SLC41A2: variants seen among roughly 807,000 people sequenced by gnomAD.
The protein encoded by SLC41A2 is solute carrier family 41 member 2.
Under a neutral mutation model 58.3 loss-of-function variants are expected in SLC41A2, and 32 were observed. The observed-to-expected ratio is 0.55, with a 90% confidence interval of 0.41 to 0.74. The LOEUF is 0.74. Among genes scored for constraint, SLC41A2 ranks in the 30% least tolerant of loss-of-function variants. The pLI, the probability that SLC41A2 is intolerant of heterozygous loss-of-function variation, is 0.00. For synonymous variants in SLC41A2, 190 were observed against 235.0 expected, an observed-to-expected ratio of 0.81 and a Z score of 1.75; for missense variants, 514 against 680.6, an observed-to-expected ratio of 0.76 and a Z score of 2.72.
chr12:104,936,972 G>A (rs997787892), intron 1 of SLC41A2, among the ~76,000 whole-genome samples: 3 of 152,180 alleles, frequency 2.0e-5, no homozygotes, highest in African/African-American at 7.2e-5. Flanking sequence ...CAGGCTGGGT[G>A]CAATGGCTTA....
chr12:104,826,838 G>C (rs1214390180), intron 10 of SLC41A2, among the ~76,000 whole-genome samples: 3 of 152,212 alleles, frequency 2.0e-5, no homozygotes, highest in African/African-American at 7.2e-5. Flanking sequence ...GAACCTGATG[G>C]ACGCTGAGAA....
At chr12:104,882,928 C>T (rs973630017) in intron 6 of SLC41A2, among the ~76,000 whole-genome samples, 1 of 152,122 alleles carries the variant, frequency 6.6e-6, no homozygotes, top group African/African-American at 2.4e-5. Context: ...CAACTTGGTT[C>T]CATTCTCCTC....
At chr12:104,939,591 C>T (rs1348354788) in intron 1 of SLC41A2, among the ~76,000 whole-genome samples, 1 of 152,146 alleles carries the variant, frequency 6.6e-6, no homozygotes, top group Non-Finnish European at 1.5e-5. Flanking sequence ...GAAACTCTGC[C>T]TATCGTACTG....
chr12:104,806,578 C>T (rs1410534331), intron 10 of SLC41A2, among the ~76,000 whole-genome samples: 4 of 151,890 alleles, frequency 2.6e-5, no homozygotes, highest in Admixed American at 2.6e-4. Flanking sequence ...GGGTATATAC[C>T]CAGTAATGGG....
chr12:104,849,846 A>G (rs558739192), intron 8 of SLC41A2, among the ~76,000 whole-genome samples: 16 of 152,264 alleles, frequency 1.1e-4, no homozygotes, highest in African/African-American at 3.1e-4. Flanking sequence ...AAGTAAGTAA[A>G]TAAATAAATA....
chr12:104,820,834 G>A (rs1023810912), intron 10 of SLC41A2, among the ~76,000 whole-genome samples: 8 of 152,012 alleles, frequency 5.3e-5, no homozygotes, highest in Non-Finnish European at 8.8e-5. Flanking sequence ...TAGTTGAGAC[G>A]GGGTTTCATC....
At chr12:104,887,168 T>A (rs959180820) in intron 5 of SLC41A2, among the ~76,000 whole-genome samples, 3 of 150,948 alleles carry the variant, frequency 2.0e-5, no homozygotes, top group Non-Finnish European at 4.4e-5. Context: ...CACACCAAGA[T>A]ACTCATTAAG....
At chr12:104,810,261 G>A (rs983420467) in intron 10 of SLC41A2, among the ~76,000 whole-genome samples, 1 of 152,074 alleles carries the variant, frequency 6.6e-6, no homozygotes, top group Non-Finnish European at 1.5e-5. Context: ...GAAGTATATG[G>A]AGGTAAATTT....
chr12:104,932,907 T>C (rs191133917), intron 1 of SLC41A2, among the ~76,000 whole-genome samples: 17 of 152,098 alleles, frequency 1.1e-4, no homozygotes, highest in African/African-American at 4.1e-4. Flanking sequence ...GACTTAAATC[T>C]AATACCTAAA....
chr12:104,844,745 T>C (rs1488523063), intron 9 of SLC41A2, 125 bp from the exon 10 acceptor site: 1 of 411,362 alleles, frequency 2.4e-6, no homozygotes, highest in Non-Finnish European at 4.1e-6. Context: ...TGAAATTTGA[T>C]TGCCAAAAAT....
chr12:104,875,431 C>A (rs573276942), intron 6 of SLC41A2, among the ~76,000 whole-genome samples: 200 of 152,264 alleles, frequency 1.3e-3, no homozygotes, highest in Non-Finnish European at 2.2e-3. Flanking sequence ...GCCACCACAC[C>A]TCACTAGTTT....
chr12:104,807,445 C>T (rs1475268391), intron 10 of SLC41A2, among the ~76,000 whole-genome samples: 4 of 152,068 alleles, frequency 2.6e-5, no homozygotes, highest in Non-Finnish European at 5.9e-5. Flanking sequence ...TGGTACAGTA[C>T]CATGCTGTTT....
intron 2 of SLC41A2, among the ~76,000 whole-genome samples, chr12:104,920,132 T>C (rs1200798768): frequency 6.6e-6 from 1 of 152,360 alleles, no homozygotes; most frequent in African/African-American, 2.4e-5. Context: ...TGTATTTGTG[T>C]GGGTCTCTCT....
chr12:104,948,648 G>A (rs2047826403), intron 1 of SLC41A2, among the ~76,000 whole-genome samples: 1 of 152,180 alleles, frequency 6.6e-6, no homozygotes, highest in Admixed American at 6.5e-5. Context: ...TGACTAACCA[G>A]TTAATGATAA....
intron 10 of SLC41A2, among the ~76,000 whole-genome samples, chr12:104,807,324 T>G (rs2040958042): frequency 6.6e-6 from 1 of 152,226 alleles, no homozygotes; most frequent in African/African-American, 2.4e-5. Context: ...AAATAGGGAA[T>G]CCTTTCCCCA....
At chr12:104,914,206 A>C (rs1235198467) in intron 2 of SLC41A2, among the ~76,000 whole-genome samples, 1 of 152,204 alleles carries the variant, frequency 6.6e-6, no homozygotes, top group Non-Finnish European at 1.5e-5. Context: ...CCTATGTATT[A>C]AGTAGTTAGG....
chr12:104,861,586 G>A (rs1459620263), intron 7 of SLC41A2, among the ~76,000 whole-genome samples: 1 of 152,178 alleles, frequency 6.6e-6, no homozygotes, highest in African/African-American at 2.4e-5. Flanking sequence ...TCAGAATTCT[G>A]ATGTCTAAGA....
At chr12:104,916,330 G>A (rs190902680) in intron 2 of SLC41A2, among the ~76,000 whole-genome samples, 11,040 of 152,230 alleles carry the variant, frequency 0.073, 557 homozygotes, top group Non-Finnish European at 0.11. Flanking sequence ...GATTGGAATA[G>A]TTTCAGAAGG....
intron 10 of SLC41A2, among the ~76,000 whole-genome samples, chr12:104,826,409 T>C (rs1056879908): frequency 6.6e-6 from 1 of 152,188 alleles, no homozygotes; most frequent in Admixed American, 6.5e-5. Context: ...ATCCCGACCT[T>C]TGCCGACAAT....
Sources: allele counts gnomAD v4.1 joint callset (sites outside exome capture counted in the v4.1 genomes callset), GRCh38; gene constraint gnomAD v4.1.1; transcripts MANE v1.5; gene names NCBI Gene and HGNC (gene_info 2026-07-23, HGNC 2026-07-21).